Variants in NCAPH observed in about 807,000 individuals in gnomAD.
NCAPH encodes the protein condensin complex subunit 2.
Under a neutral mutation model 85.5 loss-of-function variants are expected in NCAPH, and 38 were observed. The observed-to-expected ratio is 0.44, with a 90% confidence interval of 0.34 to 0.58. NCAPH has a LOEUF of 0.58. Among genes scored for constraint, NCAPH ranks in the 20% least tolerant of loss-of-function variants. NCAPH has a pLI of 0.01. For missense variants in NCAPH, 789 were observed against 916.6 expected (o/e 0.86, Z 1.80); for synonymous variants, 301 against 335.1 (o/e 0.90, Z 1.11).
chr2:96,353,659 T>G (rs1249530566), intron 8 of NCAPH, among the ~76,000 whole-genome samples: 6 of 152,012 alleles, frequency 3.9e-5, no homozygotes, highest in Admixed American at 1.3e-4. Context: ...GGCCCTGGCA[T>G]TAATCAGTGA....
At chr2:96,350,420 A>G (rs1166266926) in intron 6 of NCAPH, among the ~76,000 whole-genome samples, 1 of 152,194 alleles carries the variant, frequency 6.6e-6, no homozygotes, top group African/African-American at 2.4e-5. Context: ...GCAGGGCTCC[A>G]GGTGGGAAAC....
Position 96,357,902 on chromosome 2 carries a change from G to A in NCAPH, c.1209-1143G>A, listed in dbSNP as rs570370648. Among the ~76,000 whole-genome samples, 65 of 152,276 alleles carry A rather than the reference G, an allele frequency of 4.3e-4. 1 individual carries two copies. The highest frequency in any genetic ancestry group is 1.5e-3 in the African/African-American group (61 of 41,574). ...AAACTTCTTGGTTACCTTACCTTCA[G>A]AGGGCAGTACAGCAGCACCAGCGTC... On this transcript the variant is annotated intron_variant, in intron 9 of 17. Coordinates refer to ENST00000240423, the MANE Select transcript of NCAPH (RefSeq NM_015341.5).
intron 5 of NCAPH, 113 bp from the exon 6 acceptor site, chr2:96,343,992 A>T: frequency 7.3e-7 from 1 of 1,374,130 alleles, no homozygotes; most frequent in Non-Finnish European, 9.8e-7. Flanking sequence ...ATGAGCCACC[A>T]CACCTGGCCT....
At chr2:96,353,883 C>T (rs1437536389) in intron 8 of NCAPH, among the ~76,000 whole-genome samples, 3 of 152,154 alleles carry the variant, frequency 2.0e-5, no homozygotes, top group East Asian at 3.8e-4. Context: ...TAAATGATCT[C>T]CATGGAAAAC....
intron 17 of NCAPH, 115 bp downstream of exon 17, chr2:96,369,615 T>G: frequency 1.8e-6 from 2 of 1,092,240 alleles, no homozygotes. Flanking sequence ...ATACAGTGAC[T>G]TATGTAGCAC....
At chr2:96,338,964 C>T (rs1333704431) in intron 1 of NCAPH, among the ~76,000 whole-genome samples, 5 of 152,198 alleles carry the variant, frequency 3.3e-5, no homozygotes, top group Non-Finnish European at 5.9e-5. Context: ...GCACCCGCCA[C>T]TGCGCCCGGC....
At chr2:96,356,980 C>T (rs1414405711) in intron 9 of NCAPH, among the ~76,000 whole-genome samples, 2 of 152,162 alleles carry the variant, frequency 1.3e-5, no homozygotes, top group Non-Finnish European at 1.5e-5. Context: ...GAGTGAGCTC[C>T]CTCTCTGTGC....
Position 96,365,386 on chromosome 2 carries a change from G to A in NCAPH, c.1699-490G>A, listed in dbSNP as rs2064682424. Among the ~76,000 whole-genome samples the A allele has an allele frequency of 3.3e-5, 5 of 151,916 alleles. 1 individual carries two copies. In the South Asian group the frequency reaches 1.0e-3, roughly 32 times the overall value. On this transcript the variant is annotated intron_variant, in intron 13 of 17. Coordinates refer to ENST00000240423, the MANE Select transcript of NCAPH (RefSeq NM_015341.5). ...GGAGCCTATTTAAGGACTGATTCCTGACCTGTGTCCCCCCACCCCACCCCC... is the reference window on the plus strand; with the variant it reads ...GGAGCCTATTTAAGGACTGATTCCTAACCTGTGTCCCCCCACCCCACCCCC...
In NCAPH at chr2:96,349,454, T is replaced by C. The variant is rs1427825147; in HGVS notation, c.721-2377T>C. Among the ~76,000 whole-genome samples the C allele has an allele frequency of 2.6e-5, 4 of 152,092 alleles. No individual in the cohort carries two copies. The East Asian group carries it at 7.7e-4, about 29-fold the overall frequency. ...TGGATTGCAATGGTTCAGTCTTGGC[T>C]CACTGCAACCTCCACCTCCTGGGTT... On this transcript the variant is annotated intron_variant, in intron 6 of 17. Transcript: ENST00000240423.
Position 96,353,381 on chromosome 2 carries a change from G to A in NCAPH, c.986G>A (p.Ser329Asn). The change falls in exon 8 of 18, where the codon AGT (serine) becomes AAT (asparagine). Residue 329 changes from serine (S) to asparagine (N), a missense_variant. Physicochemically the swap from Ser to Asn is conservative, Grantham distance 46 (BLOSUM62 1). Transcript: ENST00000240423. ...LAGFQFTQWD[S>N]ETHNESVSAL... ...GGGTTCCAGTTTACACAGTGGGACA[G>A]TGAAACACATAATGAGGTGTGGTCA... 1 of 1,614,128 alleles carries A rather than the reference G, an allele frequency of 6.2e-7. No homozygotes were observed. The highest frequency in any genetic ancestry group is 8.5e-7 in the Non-Finnish European group (1 of 1,179,918).
chr2:96,344,381 A>G, intron 6 of NCAPH, 152 bp downstream of exon 6: 1 of 846,992 alleles, frequency 1.2e-6, no homozygotes, highest in South Asian at 3.4e-5. Context: ...ATCATCTTTT[A>G]GCTTGACAGT....
In NCAPH at chr2:96,369,630, A is replaced by C. The variant is rs897704324; in HGVS notation, c.2166+130A>C. On this transcript the variant is annotated intron_variant, in intron 17 of 17. Transcript: ENST00000240423. Reference sequence around the variant, plus strand: ...ATACAGTGACTTATGTAGCACCTTCAACCCAAATGATTAGCCAGGCATCTA... The same window carrying C: ...ATACAGTGACTTATGTAGCACCTTCCACCCAAATGATTAGCCAGGCATCTA... 2.3e-5 allele frequency: 21 copies of C among 897,362 alleles called. No homozygotes were observed. The Admixed American group carries it at 4.5e-4, about 19-fold the overall frequency. 55.6% of individuals were successfully genotyped at this position (897,362 alleles called of 1,614,324 possible). A position where few individuals can be genotyped will look rare whatever the true frequency, so the allele number is the denominator to read the frequency against.
At chr2:96,346,194 G>A (rs547974113) in intron 6 of NCAPH, among the ~76,000 whole-genome samples, 42 of 152,044 alleles carry the variant, frequency 2.8e-4, no homozygotes, top group Non-Finnish European at 5.3e-4. Context: ...GAGCCTTCTG[G>A]ATACTGTCTT....
At chr2:96,336,134 C>T (rs1194409477) in intron 1 of NCAPH, among the ~76,000 whole-genome samples, 1 of 152,228 alleles carries the variant, frequency 6.6e-6, no homozygotes, top group South Asian at 2.1e-4. Context: ...GGGGCGGCCT[C>T]CTCCTTGGGC....
rs567551270 is a variant in NCAPH at position 96,353,408 on chromosome 2, G to A, written c.1002+11G>A. ...GAAACACATAATGAGGTGTGGTCAAGTTTTAGTGGCTCATGGTTTCAGTTA... is the reference window on the plus strand; with the variant it reads ...GAAACACATAATGAGGTGTGGTCAAATTTTAGTGGCTCATGGTTTCAGTTA... On this transcript the variant is annotated intron_variant, in intron 8 of 17. Coordinates refer to ENST00000240423, the MANE Select transcript of NCAPH (RefSeq NM_015341.5). 1.1e-5 allele frequency: 17 copies of A among 1,610,650 alleles called. No individual in the cohort carries two copies. In the South Asian group the frequency reaches 1.4e-4, roughly 14 times the overall value.
intron 1 of NCAPH, among the ~76,000 whole-genome samples, chr2:96,336,340 G>A (rs2064214468): frequency 6.6e-6 from 1 of 152,206 alleles, no homozygotes; most frequent in Non-Finnish European, 1.5e-5. Context: ...GTTGGAGTTG[G>A]GGAGACAGAC....
rs746592776 is a variant in NCAPH at position 96,342,110 on chromosome 2, C to T, written c.333C>T (p.Tyr111=). The T allele has an allele frequency of 1.2e-6, 2 of 1,609,694 alleles. No homozygotes were observed. Among genetic ancestry groups the T allele is most frequent in the Non-Finnish European group, 1.7e-6 (2 of 1,177,058 alleles). Residue 111 remains tyrosine (Y), a synonymous_variant, in exon 3 of 18, where the codon TAC becomes TAT. Transcript: ENST00000240423. ...KFTNTQITEH[Y]STCIKLSTEN... is the part of the protein sequence containing the mutation. ...CAAACACGCAGATTACGGAACATTA[C>T]TCCACCTGTATCAAACTGTCCACTG... is the stretch of plus-strand genomic sequence containing the variant.
intron 5 of NCAPH, 126 bp from the exon 6 acceptor site, chr2:96,343,979 G>A: frequency 1.6e-6 from 2 of 1,248,134 alleles, no homozygotes; most frequent in South Asian, 2.9e-5. Context: ...TAGGATTACA[G>A]GCATGAGCCA....
At position 96,335,791 on chromosome 2, in the gene NCAPH, C is replaced by T. The variant is rs1045112019; in HGVS notation, c.-39C>T. The T allele has an allele frequency of 7.5e-6, 11 of 1,471,850 alleles. No homozygotes were observed. The African/African-American group carries it at 1.5e-4, about 20-fold the overall frequency. The allele number at this position is 1,471,850 out of a possible 1,614,324, so 91.2% of individuals were successfully genotyped here. On this transcript the variant is annotated 5_prime_UTR_variant, in exon 1 of 18. Coordinates refer to ENST00000240423, the MANE Select transcript of NCAPH (RefSeq NM_015341.5). ...GTTACGGCGCTCAGGCGTCTCGACG[C>T]GCGCGATTTAAAACCAGCTCAGGAG...
Sources: allele counts gnomAD v4.1 joint callset (sites outside exome capture counted in the v4.1 genomes callset), GRCh38; gene constraint gnomAD v4.1.1; transcripts MANE v1.5; gene names NCBI Gene and HGNC (gene_info 2026-07-23, HGNC 2026-07-21).